Variants in CCND1 observed in about 807,000 individuals in gnomAD.
CCND1 encodes cyclin D1.
A neutral mutation model predicts 26.1 loss-of-function variants in CCND1; 9 were observed. That is an observed-to-expected ratio of 0.35 (90% CI 0.21 to 0.60). The LOEUF (loss-of-function observed/expected upper bound fraction) is 0.60. CCND1 is among the 20% of genes least tolerant of loss of function. The pLI is 0.79. For synonymous variants in CCND1, 194 were observed against 166.1 expected, an observed-to-expected ratio of 1.17 and a Z score of -1.29; for missense variants, 335 against 392.9, an observed-to-expected ratio of 0.85 and a Z score of 1.25.
In CCND1 at chr11:69,652,486, A is replaced by G. The variant is rs1406975710; in HGVS notation, c.*1204A>G. 2 of 233,328 alleles carry G rather than the reference A, an allele frequency of 8.6e-6. No individual in the cohort carries two copies. Among genetic ancestry groups the G allele is most frequent in the East Asian group, 6.0e-5 (1 of 16,596 alleles). The allele number at this position is 233,328 out of a possible 1,614,324, so 14.5% of individuals were successfully genotyped here. On this transcript the variant is annotated 3_prime_UTR_variant, in exon 5 of 5. Coordinates refer to ENST00000227507, the MANE Select transcript of CCND1 (RefSeq NM_053056.3). ...GAGGCTGCGTGCCAGTCAAGAAGAA[A>G]AAGGTTTGCATTCTCACATTGCCAG...
At chr11:69,643,581 T>G in intron 2 of CCND1, 1 of 458,030 alleles carries the variant, frequency 2.2e-6, no homozygotes, top group Non-Finnish European at 3.8e-6. Context: ...GGTCTTTTTG[T>G]TTCCACTTGC....
chr11:69,643,993 T>G lies in CCND1; in HGVS notation c.574+2T>G. The G allele has an allele frequency of 6.2e-7, 1 of 1,613,046 alleles. No homozygotes were observed. Among genetic ancestry groups the G allele is most frequent in the Non-Finnish European group, 8.5e-7 (1 of 1,179,888 alleles). ...CCTTCGTTGCCCTCTGTGCCACAGG[T>G]AGGGCAGGCCCGGCAGCCCCCGGCC... On this transcript the variant is annotated splice_donor_variant, in intron 3 of 4. Transcript: ENST00000227507. LOFTEE classifies it high-confidence loss of function.
rs2120119368 is a variant in CCND1 at position 69,651,111 on chromosome 11, C to T, written c.724-7C>T. ...CTTCCCACCTCTCCCCACCCTCTCT[C>T]TCTCAGGACTGCCTCCGGGCCTGCC... On this transcript the variant is annotated splice_polypyrimidine_tract_variant and splice_region_variant and intron_variant, in intron 4 of 4. Transcript: ENST00000227507. 6.2e-7 allele frequency: 1 copy of T among 1,611,698 alleles called. No individual in the cohort carries two copies. The highest frequency in any genetic ancestry group is 1.1e-5 in the South Asian group (1 of 90,658).
Position 69,654,252 on chromosome 11 carries a change from T to A in CCND1, c.*2970T>A. The A allele has an allele frequency of 1.4e-6, 1 of 702,450 alleles. No individual in the cohort carries two copies. The highest frequency in any genetic ancestry group is 2.0e-5 in the Admixed American group (1 of 50,000). 43.5% of individuals were successfully genotyped at this position (702,450 alleles called of 1,614,324 possible). A position where few individuals can be genotyped will look rare whatever the true frequency, so the allele number is the denominator to read the frequency against. ...ATGGGGCAAGGGCACAAGTCCTGGA[T>A]GTTGTGTGTATCGAGAGGCCAAAGG... On this transcript the variant is annotated 3_prime_UTR_variant, in exon 5 of 5. Transcript: ENST00000227507. This position sits in a 1 kb window ranked among gnomAD's most constrained non-coding sequence, Gnocchi z 6.3.
At chr11:69,648,267 C>G (rs1197931088) in intron 4 of CCND1, 125 bp downstream of exon 4, 1 of 1,028,212 alleles carries the variant, frequency 9.7e-7, no homozygotes, top group Non-Finnish European at 1.4e-6. Flanking sequence ...TGGGGCTGGG[C>G]CCCTCGGACC....
chr11:69,646,541 G>C (rs957521743), intron 3 of CCND1, among the ~76,000 whole-genome samples: 2 of 152,218 alleles, frequency 1.3e-5, no homozygotes, highest in Admixed American at 1.3e-4. Context: ...CCTTGTTCCC[G>C]GGCGCTCAGT....
At chr11:69,641,558 GC>G in intron 1 of CCND1, 47 bp downstream of exon 1, 1 of 1,578,694 alleles carries the variant, frequency 6.3e-7, no homozygotes. Context: ...GCAACTTGTT[GC>G]CCAGACCCAC....
At chr11:69,643,305 C>A (rs1372590611) in intron 2 of CCND1, 59 bp downstream of exon 2, 2 of 1,396,928 alleles carry the variant, frequency 1.4e-6, no homozygotes, top group Admixed American at 4.0e-5. Context: ...GACCACGGGG[C>A]CGGGGAAGGT....
chr11:69,649,267 T>C (rs1418020319), intron 4 of CCND1, among the ~76,000 whole-genome samples: 1 of 152,194 alleles, frequency 6.6e-6, no homozygotes, highest in Non-Finnish European at 1.5e-5. Flanking sequence ...CATTTCGAAC[T>C]CCACGCCCTG....
Position 69,651,671 on chromosome 11 carries a change from A to G in CCND1, c.*389A>G, listed in dbSNP as rs1167026121. On this transcript the variant is annotated 3_prime_UTR_variant, in exon 5 of 5. Transcript: ENST00000227507. ...CACAAAGGAGGCGTCTCGGGAGAGG[A>G]TTAGGTTCCATCCTTTACGTGTTTA... 4.1e-6 allele frequency: 1 copy of G among 244,820 alleles called. No individual in the cohort carries two copies. Among genetic ancestry groups the G allele is most frequent in the Non-Finnish European group, 7.9e-6 (1 of 126,540 alleles). The allele number at this position is 244,820 out of a possible 1,614,324, so 15.2% of individuals were successfully genotyped here. A position where few individuals can be genotyped will look rare whatever the true frequency, so the allele number is the denominator to read the frequency against.
At chr11:69,644,557 C>G (rs1286607522) in intron 3 of CCND1, among the ~76,000 whole-genome samples, 1 of 152,204 alleles carries the variant, frequency 6.6e-6, no homozygotes, top group Non-Finnish European at 1.5e-5. Context: ...CGGCAGCCAG[C>G]CGGGCTCAGC....
rs1855874558 is a variant in CCND1 at position 69,653,093 on chromosome 11, T to G, written c.*1811T>G. 8 of 534,524 alleles carry G rather than the reference T, an allele frequency of 1.5e-5. No individual in the cohort carries two copies. The South Asian group carries it at 2.1e-4, about 14-fold the overall frequency. The allele number at this position is 534,524 out of a possible 1,614,324, so 33.1% of individuals were successfully genotyped here. A position where few individuals can be genotyped will look rare whatever the true frequency, so the allele number is the denominator to read the frequency against. On this transcript the variant is annotated 3_prime_UTR_variant, in exon 5 of 5. Coordinates refer to ENST00000227507, the MANE Select transcript of CCND1 (RefSeq NM_053056.3). ...TCTTGGCTATGTAATTCTTGTAATT[T>G]TTATTTAGGAAGTGTTGAAGGGAGG...
At chr11:69,648,216 G>A (rs1011085996) in intron 4 of CCND1, 74 bp downstream of exon 4, 22 of 1,564,562 alleles carry the variant, frequency 1.4e-5, no homozygotes, top group African/African-American at 6.8e-5. Context: ...CGGAAATGCC[G>A]AGGCTGGTGC....
Position 69,653,714 on chromosome 11 carries a change from C to G in CCND1, c.*2432C>G, listed in dbSNP as rs1855885705. On this transcript the variant is annotated 3_prime_UTR_variant, in exon 5 of 5. Transcript: ENST00000227507. ...CTTCATCTGATCGGGGGCGTAGCAT[C>G]ATAGTAGTTTTTACAGCTGTGTTAT... is the stretch of plus-strand genomic sequence containing the variant. 3 of 304,782 alleles carry G rather than the reference C, an allele frequency of 9.8e-6. No homozygotes were observed. The highest frequency in any genetic ancestry group is 1.8e-5 in the Non-Finnish European group (3 of 164,138). The allele number at this position is 304,782 out of a possible 1,614,324, so 18.9% of individuals were successfully genotyped here. A position where few individuals can be genotyped will look rare whatever the true frequency, so the allele number is the denominator to read the frequency against.
At chr11:69,648,893 C>G (rs940553275) in intron 4 of CCND1, among the ~76,000 whole-genome samples, 7 of 152,118 alleles carry the variant, frequency 4.6e-5, no homozygotes, top group Non-Finnish European at 8.8e-5. Flanking sequence ...GGACTCCGCA[C>G]GGGTCTCAGC....
chr11:69,645,194 G>A (rs965779372), intron 3 of CCND1, among the ~76,000 whole-genome samples: 3 of 152,220 alleles, frequency 2.0e-5, no homozygotes, highest in Non-Finnish European at 4.4e-5. Context: ...GGGGCATGCG[G>A]CAGACAGGGA....
chr11:69,641,927 T>C (rs1855708402), intron 1 of CCND1, among the ~76,000 whole-genome samples: 1 of 151,108 alleles, frequency 6.6e-6, no homozygotes, highest in Admixed American at 6.6e-5. Flanking sequence ...TTAATATCCA[T>C]GGACACGTAT....
intron 3 of CCND1, among the ~76,000 whole-genome samples, chr11:69,647,294 T>G (rs1360593953): frequency 6.6e-6 from 1 of 151,540 alleles, no homozygotes; most frequent in African/African-American, 2.4e-5. Flanking sequence ...ACTGTGACAG[T>G]CATGGTCCCA....
In CCND1 at chr11:69,653,393, A is replaced by G. The variant is rs1182490400; in HGVS notation, c.*2111A>G. The stretch of plus-strand genomic sequence containing the variant: ...ACTAGTTTTAGTTTTCTCTTAGAAC[A>G]TTGTATTACAGATGCCTTTTTTGTA... On this transcript the variant is annotated 3_prime_UTR_variant, in exon 5 of 5. Transcript: ENST00000227507. The G allele has an allele frequency of 1.5e-6, 1 of 661,572 alleles. No individual in the cohort carries two copies. Among genetic ancestry groups the G allele is most frequent in the Non-Finnish European group, 2.7e-6 (1 of 371,522 alleles). 41.0% of individuals were successfully genotyped at this position (661,572 alleles called of 1,614,324 possible).
Sources: gnomAD v4.1 joint callset for allele counts (sites outside exome capture counted in the v4.1 genomes callset) on GRCh38, gnomAD v4.1.1 for gene constraint, Gnocchi (gnomAD v3.1) non-coding constraint, MANE v1.5 for transcripts, NCBI Gene and HGNC (gene_info 2026-07-23, HGNC 2026-07-21) for gene names.